The following PTPRD variants were observed in gnomAD, a reference collection of about 807,000 sequenced individuals.
The protein encoded by PTPRD is receptor-type tyrosine-protein phosphatase delta.
In PTPRD, 34 loss-of-function variants were observed where a neutral mutation model predicts 214.5. That is an observed-to-expected ratio of 0.16 (90% CI 0.12 to 0.21). The LOEUF (loss-of-function observed/expected upper bound fraction) is 0.21, where lower values mean the gene tolerates loss of function less well. Ranked by LOEUF, PTPRD falls within the 10% of genes least tolerant of loss-of-function variation. The pLI, the probability that PTPRD is intolerant of heterozygous loss-of-function variation, is 1.00. For missense variants in PTPRD, 2,545 were observed against 2,398.7 expected (o/e 1.06, Z -1.27); for synonymous variants, 1,128 against 845.7 (o/e 1.33, Z -5.79).
chr9:9,692,210 G>A (rs34254522), intron 7 of PTPRD, among the ~76,000 whole-genome samples: 6 of 151,240 alleles, frequency 4.0e-5, no homozygotes, highest in African/African-American at 1.5e-4. Flanking sequence ...AGAACAATGT[G>A]CTGGAGAGTT....
At chr9:9,409,605 A>T (rs1483422038) in intron 8 of PTPRD, among the ~76,000 whole-genome samples, 2 of 152,050 alleles carry the variant, frequency 1.3e-5, no homozygotes, top group Non-Finnish European at 2.9e-5. Flanking sequence ...CACTAAGATG[A>T]GCTCAATATA....
intron 7 of PTPRD, among the ~76,000 whole-genome samples, chr9:9,581,622 G>A (rs1444597432): frequency 6.6e-6 from 1 of 151,928 alleles, no homozygotes; most frequent in African/African-American, 2.4e-5. Context: ...AATAATAACT[G>A]GATAGACCCT....
chr9:9,824,824 C>A (rs1426920639), intron 5 of PTPRD, among the ~76,000 whole-genome samples: 2 of 152,008 alleles, frequency 1.3e-5, no homozygotes, highest in Admixed American at 1.3e-4. Flanking sequence ...TAAGACAAAG[C>A]TCATCACAAA....
chr9:10,547,421 T>G (rs913042572), intron 2 of PTPRD, among the ~76,000 whole-genome samples: 2 of 152,012 alleles, frequency 1.3e-5, no homozygotes, highest in African/African-American at 4.8e-5. Flanking sequence ...GATGTTACCA[T>G]GCTCTAGAGT....
In PTPRD at chr9:8,822,312, T is replaced by TA. The variant is rs1238734099; in HGVS notation, c.-103-88367dup. On this transcript the variant is annotated intron_variant, in intron 11 of 45. Coordinates refer to ENST00000381196, the MANE Select transcript of PTPRD (RefSeq NM_002839.4). ...TGCCTTAGAAAGGGCTCTAGTACCC[T>TA]AACTGCTATCAAAGCAAACTCAGAT... is the stretch of plus-strand genomic sequence containing the variant. 7.9e-5 allele frequency among the ~76,000 whole-genome samples: 12 copies of TA among 152,288 alleles called. No individual in the cohort carries two copies. In the South Asian group the frequency reaches 2.5e-3, roughly 32 times the overall value.
intron 9 of PTPRD, among the ~76,000 whole-genome samples, chr9:9,186,763 C>A (rs558785240): frequency 3.9e-4 from 59 of 151,912 alleles, no homozygotes; most frequent in African/African-American, 1.4e-3. Context: ...ACCCAGTTTT[C>A]CACCTTCACA....
At chr9:8,354,674 G>T (rs2076524334) in intron 39 of PTPRD, among the ~76,000 whole-genome samples, 1 of 152,168 alleles carries the variant, frequency 6.6e-6, no homozygotes, top group Non-Finnish European at 1.5e-5. Context: ...ACAGGCTTAA[G>T]AATTTGATGA....
chr9:8,831,699 A>G (rs1487399725), intron 11 of PTPRD, among the ~76,000 whole-genome samples: 1 of 152,204 alleles, frequency 6.6e-6, no homozygotes, highest in African/African-American at 2.4e-5. Context: ...TGTCTCTTTC[A>G]GCCACAGTTA....
chr9:10,425,576 C>A (rs1251809171), intron 2 of PTPRD, among the ~76,000 whole-genome samples: 1 of 151,978 alleles, frequency 6.6e-6, no homozygotes, highest in Non-Finnish European at 1.5e-5. Flanking sequence ...CATGCTCATA[C>A]TAAACTCATT....
chr9:9,441,994 G>A (rs887931479), intron 8 of PTPRD: 1 of 152,220 alleles, frequency 6.6e-6, no homozygotes, highest in Admixed American at 6.5e-5. Flanking sequence ...TATTCAAAAT[G>A]TTCTCACTTC....
At chr9:9,851,718 T>C (rs1001087219) in intron 5 of PTPRD, among the ~76,000 whole-genome samples, 12 of 152,170 alleles carry the variant, frequency 7.9e-5, no homozygotes, top group African/African-American at 1.2e-4. Context: ...AGGTAAAGGC[T>C]ACAGTTAGCC....
intron 11 of PTPRD, chr9:8,958,695 T>A (rs2099144114): frequency 6.6e-6 from 1 of 151,922 alleles, no homozygotes; most frequent in South Asian, 2.1e-4. Context: ...AAAACAAGTG[T>A]TTTTCCTTTT....
At chr9:8,499,070 T>G (rs1470836317) in intron 25 of PTPRD, among the ~76,000 whole-genome samples, 1 of 152,150 alleles carries the variant, frequency 6.6e-6, no homozygotes, top group African/African-American at 2.4e-5. Context: ...CCCACTTATT[T>G]GCTAGGAAAT....
At chr9:9,681,139 T>C (rs529637733) in intron 7 of PTPRD, among the ~76,000 whole-genome samples, 1 of 151,962 alleles carries the variant, frequency 6.6e-6, no homozygotes, top group South Asian at 2.1e-4. Flanking sequence ...CAAAGCCAAT[T>C]TCCATTCACT....
chr9:10,243,140 T>C (rs748907505), intron 3 of PTPRD, among the ~76,000 whole-genome samples: 6 of 152,022 alleles, frequency 3.9e-5, no homozygotes, highest in Non-Finnish European at 8.8e-5. Context: ...TCCAAGGATA[T>C]TCACTCTTGA....
chr9:8,467,936 T>G (rs549596709), intron 31 of PTPRD, among the ~76,000 whole-genome samples: 2 of 152,052 alleles, frequency 1.3e-5, no homozygotes, highest in East Asian at 3.9e-4. Flanking sequence ...AGCTGGGTAA[T>G]CAAAAACATT....
At chr9:9,670,398 C>T (rs1363734515) in intron 7 of PTPRD, among the ~76,000 whole-genome samples, 1 of 152,074 alleles carries the variant, frequency 6.6e-6, no homozygotes, top group Non-Finnish European at 1.5e-5. Flanking sequence ...AAATTTCCAG[C>T]CTGGCAAAGT....
chr9:10,329,181 ATGATAAGGTC>A (rs903211378), intron 3 of PTPRD, among the ~76,000 whole-genome samples: 3 of 151,774 alleles, frequency 2.0e-5, no homozygotes, highest in Non-Finnish European at 4.4e-5. Context: ...AAAATATTCA[ATGATAAGGTC>A]TTAACTTATC....
intron 2 of PTPRD, among the ~76,000 whole-genome samples, chr9:10,474,159 C>T (rs925265358): frequency 6.6e-6 from 1 of 152,006 alleles, no homozygotes; most frequent in East Asian, 1.9e-4. Context: ...TGTAAATGGG[C>T]TAAATGCCCA....
Sources: allele counts gnomAD v4.1 joint callset (sites outside exome capture counted in the v4.1 genomes callset), GRCh38; gene constraint gnomAD v4.1.1; transcripts MANE v1.5; gene names NCBI Gene and HGNC (gene_info 2026-07-23, HGNC 2026-07-21).